TMPRSS6: variants seen among roughly 807,000 people sequenced by gnomAD.
TMPRSS6 encodes the protein transmembrane protease serine 6.
TMPRSS6 carries 67 observed loss-of-function variants against 101.5 expected under a neutral mutation model. The ratio of observed to expected loss-of-function variants is 0.66; its 90% CI spans 0.54 to 0.81. The LOEUF (loss-of-function observed/expected upper bound fraction) is 0.81. TMPRSS6 is among the 30% of genes least tolerant of loss of function. The pLI, the probability that TMPRSS6 is intolerant of heterozygous loss-of-function variation, is 0.00. For synonymous variants in TMPRSS6, 453 were observed against 464.9 expected, an observed-to-expected ratio of 0.97 and a Z score of 0.33; for missense variants, 1,034 against 1,088.7, an observed-to-expected ratio of 0.95 and a Z score of 0.71.
chr22:37,103,362 C>A lies in TMPRSS6; in HGVS notation c.56G>T (p.Gly19Val). The change falls in exon 2 of 18, where the codon GGC (glycine) becomes GTC (valine). Residue 19 changes from glycine to valine, a missense_variant. By Grantham distance (109) the Gly-to-Val change is moderately radical (BLOSUM62 -3). Coordinates refer to ENST00000676104, the MANE Select transcript of TMPRSS6 (RefSeq NM_001374504.1). This position sits in a 1 kb window ranked among gnomAD's most constrained non-coding sequence, Gnocchi z 4.4. ...VAGGQGDGGD[G>V]EEAEPEGMFK... ...CATCCCCTCCGGCTCCGCTTCCTCGCCATCACCTCCGTCCCCCTGCCCGCC... is the reference window on the plus strand; with the variant it reads ...CATCCCCTCCGGCTCCGCTTCCTCGACATCACCTCCGTCCCCCTGCCCGCC... 6.2e-7 allele frequency: 1 copy of A among 1,614,198 alleles called. No homozygotes were observed.
intron 2 of TMPRSS6, among the ~76,000 whole-genome samples, chr22:37,099,423 G>A (rs1311857859): frequency 3.3e-5 from 5 of 152,184 alleles, no homozygotes; most frequent in Non-Finnish European, 7.3e-5. Flanking sequence ...TTAAAATCAG[G>A]AATGATGTCA....
At chr22:37,082,794 C>T in intron 10 of TMPRSS6, 1 of 366,696 alleles carries the variant, frequency 2.7e-6, no homozygotes, top group South Asian at 2.1e-5. Flanking sequence ...ACAGCACAGG[C>T]CCAAAGTCAC....
At position 37,103,773 on chromosome 22, in the gene TMPRSS6, G is replaced by A. The variant is rs1367220049; in HGVS notation, c.-1-355C>T. 7 of 625,674 alleles carry A rather than the reference G, an allele frequency of 1.1e-5. No homozygotes were observed. Among genetic ancestry groups the A allele is most frequent in the Admixed American group, 2.5e-5 (1 of 40,166 alleles). 38.8% of individuals were successfully genotyped at this position (625,674 alleles called of 1,614,324 possible). A position where few individuals can be genotyped will look rare whatever the true frequency, so the allele number is the denominator to read the frequency against. On this transcript the variant is annotated intron_variant, in intron 1 of 17. Transcript: ENST00000676104. The surrounding 1 kb of genome is among the most constrained non-coding windows in gnomAD (Gnocchi z 4.4). ...CAGACAGAACTGAAGTACATGGGGT[G>A]CAGACTTCTGTAGACATCTGACCTC...
Position 37,069,098 on chromosome 22 carries a change from C to G in TMPRSS6, c.2088G>C (p.Thr696=), listed in dbSNP as rs768268048. 1.3e-6 allele frequency: 2 copies of G among 1,551,330 alleles called. No homozygotes were observed. Among genetic ancestry groups the G allele is most frequent in the Non-Finnish European group, 1.7e-6 (2 of 1,152,390 alleles). ...FFEPGLHCWI[T]GWGALREGGP... is the part of the protein sequence containing the mutation. ...CGCCCTCGCGCAAGGCGCCCCAGCCCGTAATCCAGCAGTGCAGGCCGGGCT... is the reference window on the plus strand; with the variant it reads ...CGCCCTCGCGCAAGGCGCCCCAGCCGGTAATCCAGCAGTGCAGGCCGGGCT... The change falls in exon 16 of 18, where the codon ACG becomes ACC. Residue 696 remains threonine, a synonymous_variant. Coordinates refer to ENST00000676104, the MANE Select transcript of TMPRSS6 (RefSeq NM_001374504.1). The surrounding 1 kb of genome is among the most constrained non-coding windows in gnomAD (Gnocchi z 4.8).
chr22:37,078,959 G>GAAAGAAAGAAAGAA (rs1927991256), intron 10 of TMPRSS6, among the ~76,000 whole-genome samples: 1 of 93,466 alleles, frequency 1.1e-5, no homozygotes, highest in Admixed American at 1.2e-4. Context: ...GAGAAAAAGA[G>GAAAGAAAGAAAGAA]AAAGAAAGAA....
intron 10 of TMPRSS6, among the ~76,000 whole-genome samples, chr22:37,076,193 G>T (rs2146071463): frequency 6.6e-6 from 1 of 152,350 alleles, no homozygotes; most frequent in African/African-American, 2.4e-5. Flanking sequence ...CCACAGATGT[G>T]CACGGTCATC....
chr22:37,066,260 G>A, intron 17 of TMPRSS6, 22 bp from the exon 18 acceptor site: 1 of 1,597,710 alleles, frequency 6.3e-7, no homozygotes. Flanking sequence ...AAAGGAGAAA[G>A]GACTGAAGCA....
At chr22:37,097,793 G>A (rs1286116196) in intron 3 of TMPRSS6, among the ~76,000 whole-genome samples, 1 of 118,572 alleles carries the variant, frequency 8.4e-6, no homozygotes, top group Non-Finnish European at 1.8e-5. Context: ...GTGGGCCACC[G>A]TCCTGTAACG....
chr22:37,085,833 A>C (rs964157808), intron 8 of TMPRSS6, among the ~76,000 whole-genome samples: 4 of 151,640 alleles, frequency 2.6e-5, no homozygotes, highest in African/African-American at 9.7e-5. Flanking sequence ...GCGGAATCCA[A>C]GGAGTTCTTA....
At chr22:37,085,572 T>C (rs970675557) in intron 8 of TMPRSS6, among the ~76,000 whole-genome samples, 2 of 152,048 alleles carry the variant, frequency 1.3e-5, no homozygotes, top group African/African-American at 4.8e-5. Flanking sequence ...CCTCCTGAGC[T>C]CCAGAAATGG....
rs750675992 is a variant in TMPRSS6 at position 37,066,156 on chromosome 22, C to T, written c.2333G>A (p.Cys778Tyr). 3.8e-5 allele frequency: 62 copies of T among 1,613,120 alleles called. No homozygotes were observed. Among genetic ancestry groups the T allele is most frequent in the East Asian group, 6.7e-5 (3 of 44,892 alleles). Residue 778 changes from cysteine (C) to tyrosine (Y), a missense_variant, in exon 18 of 18, where the codon TGT (cysteine) becomes TAT (tyrosine). Physicochemically the swap from Cys to Tyr is radical, Grantham distance 194 (BLOSUM62 -2). Transcript: ENST00000676104. ...LAGLVSWGLGCGRPNYFGVYT... is the reference protein window; with the variant it reads ...LAGLVSWGLGYGRPNYFGVYT... Reference sequence around the variant, plus strand: ...GACGCCGAAGTAGTTAGGCCGGCCACAGCCCAGGCCCCAGCTGACCAGCCC... The same window carrying T: ...GACGCCGAAGTAGTTAGGCCGGCCATAGCCCAGGCCCCAGCTGACCAGCCC...
At position 37,104,853 on chromosome 22, in the gene TMPRSS6, C is replaced by T. The variant is rs192760698; in HGVS notation, c.-1-1435G>A. 4.0e-5 allele frequency among the ~76,000 whole-genome samples: 6 copies of T among 151,668 alleles called. No individual in the cohort carries two copies. In the East Asian group the frequency reaches 5.8e-4, roughly 15 times the overall value. ...GTGGGCACCTGTAATCCCAGCTACT[C>T]GGGAGGCTGAGGCAGGAGAATCACT... On this transcript the variant is annotated intron_variant, in intron 1 of 17. Coordinates refer to ENST00000676104, the MANE Select transcript of TMPRSS6 (RefSeq NM_001374504.1).
At chr22:37,067,604 A>G (rs58839383) in intron 16 of TMPRSS6, among the ~76,000 whole-genome samples, 4,271 of 152,154 alleles carry the variant, frequency 0.028, 219 homozygotes, top group African/African-American at 0.097. Flanking sequence ...CAGCACCTGC[A>G]GATGTCTCCG....
At chr22:37,099,387 G>A (rs1037006366) in intron 2 of TMPRSS6, among the ~76,000 whole-genome samples, 6 of 152,200 alleles carry the variant, frequency 3.9e-5, no homozygotes, top group Non-Finnish European at 5.9e-5. Context: ...GTCTTTACCC[G>A]ATGAACAAGG....
At chr22:37,104,793 A>G (rs1304692073) in intron 1 of TMPRSS6, among the ~76,000 whole-genome samples, 1 of 152,020 alleles carries the variant, frequency 6.6e-6, no homozygotes, top group African/African-American at 2.4e-5. Context: ...AAACCCTGTC[A>G]CTATGAAAAA....
chr22:37,094,019 T>TTATA lies in TMPRSS6; in HGVS notation c.631+1528_631+1531dup, dbSNP rs56784584. 5.1e-3 allele frequency among the ~76,000 whole-genome samples: 759 copies of TTATA among 149,944 alleles called. 5 individuals carry two copies. Among genetic ancestry groups the TTATA allele is most frequent in the African/African-American group, 0.018 (718 of 40,886 alleles). On this transcript the variant is annotated intron_variant, in intron 6 of 17. Transcript: ENST00000676104. ...GCCTGGATGACAGAGTGAGACTCTG[T>TTATA]TATATATATATATATGTCATTCTTG...
chr22:37,068,461 A>T (rs1343435936), intron 16 of TMPRSS6, among the ~76,000 whole-genome samples: 1 of 152,222 alleles, frequency 6.6e-6, no homozygotes, highest in Admixed American at 6.5e-5. Context: ...TGTGTCCCCA[A>T]AACTGTGCGG....
At chr22:37,068,666 G>A (rs1394247929) in intron 16 of TMPRSS6, 2 of 779,704 alleles carry the variant, frequency 2.6e-6, no homozygotes, top group Non-Finnish European at 2.4e-6. Context: ...TAGGGCCACA[G>A]CATCCGCCCG....
chr22:37,069,418 C>G lies in TMPRSS6; in HGVS notation c.1842-74G>C. 7.1e-7 allele frequency: 1 copy of G among 1,412,760 alleles called. No individual in the cohort carries two copies. The highest frequency in any genetic ancestry group is 9.6e-7 in the Non-Finnish European group (1 of 1,046,992). The allele number at this position is 1,412,760 out of a possible 1,614,324, so 87.5% of individuals were successfully genotyped here. On this transcript the variant is annotated intron_variant, in intron 15 of 17. Transcript: ENST00000676104. The surrounding 1 kb of genome is among the most constrained non-coding windows in gnomAD (Gnocchi z 4.8). The stretch of plus-strand genomic sequence containing the variant: ...AAGCTGCCTCTCCCCATCCAGGGAC[C>G]CTCAAGATAGCCAGATCCCCGCCCG...
Sources: gnomAD v4.1 joint callset for allele counts (sites outside exome capture counted in the v4.1 genomes callset) on GRCh38, gnomAD v4.1.1 for gene constraint, Gnocchi (gnomAD v3.1) non-coding constraint, MANE v1.5 for transcripts, NCBI Gene and HGNC (gene_info 2026-07-23, HGNC 2026-07-21) for gene names.